Variants in LUZP2 observed in about 807,000 individuals in gnomAD.
LUZP2 encodes leucine zipper protein 2.
A neutral mutation model predicts 51.6 loss-of-function variants in LUZP2; 52 were observed. The ratio of observed to expected loss-of-function variants is 1.01; its 90% CI spans 0.81 to 1.27. The LOEUF is 1.27. LUZP2 is among the 50% of genes most tolerant of loss of function. LUZP2 has a pLI of 0.00. For synonymous variants in LUZP2, 154 were observed against 137.3 expected (o/e 1.12, Z -0.85); for missense variants, 436 against 395.4 (o/e 1.10, Z -0.87).
chr11:24,809,890 A>C lies in LUZP2; in HGVS notation c.396+46582A>C, dbSNP rs193240209. On this transcript the variant is annotated intron_variant, in intron 5 of 11. Transcript: ENST00000336930. ...TACTCACTACTGAAAAATACTTGGC[A>C]CATTACCTAGAATTTTCTTTATATA... 1.9e-3 allele frequency among the ~76,000 whole-genome samples: 292 copies of C among 152,250 alleles called. 1 individual carries two copies. The highest frequency in any genetic ancestry group is 6.7e-3 in the African/African-American group (278 of 41,566).
intron 5 of LUZP2, among the ~76,000 whole-genome samples, chr11:24,866,138 A>G (rs970590018): frequency 1.8e-5 from 2 of 108,434 alleles, no homozygotes; most frequent in Admixed American, 2.2e-4. Context: ...ACACACACAC[A>G]CACACACACA....
At position 24,870,315 on chromosome 11, in the gene LUZP2, A is replaced by T. The variant is rs189651333; in HGVS notation, c.397-35676A>T. On this transcript the variant is annotated intron_variant, in intron 5 of 11. Coordinates refer to ENST00000336930, the MANE Select transcript of LUZP2 (RefSeq NM_001009909.4). ...TTTGCCAGAATTCTGAATGCTTATG[A>T]AATGTTTTGGAGAACCCATTAATAG... is the stretch of plus-strand genomic sequence containing the variant. Among the ~76,000 whole-genome samples, 8 of 152,252 alleles carry T rather than the reference A, an allele frequency of 5.3e-5. No individual in the cohort carries two copies. The East Asian group carries it at 1.2e-3, about 22-fold the overall frequency.
In LUZP2 at chr11:24,903,161, A is replaced by G. The variant is rs183794758; in HGVS notation, c.397-2830A>G. On this transcript the variant is annotated intron_variant, in intron 5 of 11. Transcript: ENST00000336930. The stretch of plus-strand genomic sequence containing the variant: ...CTGAGCAACATTGCAGAGCCAGAAC[A>G]TATCAGTGTACATCCCTTTATTGGG... Among the ~76,000 whole-genome samples, 505 of 152,312 alleles carry G rather than the reference A, an allele frequency of 3.3e-3. 4 individuals are homozygous for G. Among genetic ancestry groups the G allele is most frequent in the African/African-American group, 0.011 (473 of 41,574 alleles).
intron 1 of LUZP2, among the ~76,000 whole-genome samples, chr11:24,695,545 T>C (rs2133897474): frequency 6.6e-6 from 1 of 152,188 alleles, no homozygotes; most frequent in Middle Eastern, 3.4e-3. Context: ...CTTACTACAC[T>C]GTAGTACACG....
At chr11:24,748,464 CT>C (rs34396396) in intron 4 of LUZP2, among the ~76,000 whole-genome samples, 9,013 of 142,684 alleles carry the variant, frequency 0.063, 294 homozygotes, top group African/African-American at 0.082. Flanking sequence ...TGTTAACTTC[CT>C]TTTTTTTTTT....
intron 1 of LUZP2, among the ~76,000 whole-genome samples, chr11:24,703,617 G>A (rs1857479545): frequency 6.6e-6 from 1 of 151,892 alleles, no homozygotes; most frequent in Non-Finnish European, 1.5e-5. Context: ...GAGGTCAGGA[G>A]TTCGAGACCA....
At chr11:25,006,950 G>T (rs1856848883) in intron 9 of LUZP2, among the ~76,000 whole-genome samples, 1 of 152,138 alleles carries the variant, frequency 6.6e-6, no homozygotes, top group African/African-American at 2.4e-5. Flanking sequence ...TCCCTTATTT[G>T]GCCCAGCCAC....
intron 8 of LUZP2, among the ~76,000 whole-genome samples, chr11:24,979,488 TATA>T (rs1037839542): frequency 1.3e-5 from 2 of 151,880 alleles, no homozygotes; most frequent in Admixed American, 6.6e-5. Context: ...TTCCCAAGAA[TATA>T]ATATCTGGAA....
chr11:24,823,702 T>A (rs1207613758), intron 5 of LUZP2, among the ~76,000 whole-genome samples: 1 of 152,070 alleles, frequency 6.6e-6, no homozygotes, highest in East Asian at 1.9e-4. Flanking sequence ...AATCCATAGT[T>A]ATAATGCAGA....
At chr11:24,513,780 T>C (rs543317645) in intron 1 of LUZP2, among the ~76,000 whole-genome samples, 1 of 152,336 alleles carries the variant, frequency 6.6e-6, no homozygotes, top group South Asian at 2.1e-4. Flanking sequence ...AATGAATACC[T>C]TACTCTTCTG....
intron 9 of LUZP2, among the ~76,000 whole-genome samples, chr11:25,004,695 T>C (rs1359873992): frequency 1.3e-5 from 2 of 152,204 alleles, no homozygotes; most frequent in Non-Finnish European, 2.9e-5. Flanking sequence ...CATCATTGAA[T>C]AACTCATGGG....
In LUZP2 at chr11:24,984,549, T is replaced by TATATATAAAA. The variant is rs60530495; in HGVS notation, c.765+1257_765+1258insTATATAAAAA. Among the ~76,000 whole-genome samples the TATATATAAAA allele has an allele frequency of 6.2e-3, 440 of 71,214 alleles. 7 individuals are homozygous for TATATATAAAA. Among genetic ancestry groups the TATATATAAAA allele is most frequent in the African/African-American group, 0.02 (411 of 20,882 alleles). 46.7% of individuals were successfully genotyped at this position (71,214 alleles called of 152,430 possible). ...TTATATATATATATATATATATATATAATTGTGAATTTTAAAAGCCACAAG... is the reference window on the plus strand; with the variant it reads ...TTATATATATATATATATATATATATATATATAAAAAATTGTGAATTTTAAAAGCCACAAG... On this transcript the variant is annotated intron_variant, in intron 9 of 11. Coordinates refer to ENST00000336930, the MANE Select transcript of LUZP2 (RefSeq NM_001009909.4).
At chr11:24,616,782 T>C (rs1481638234) in intron 1 of LUZP2, among the ~76,000 whole-genome samples, 4 of 152,138 alleles carry the variant, frequency 2.6e-5, no homozygotes, top group African/African-American at 9.7e-5. Context: ...TTGTTCTGGT[T>C]TACATCTCCT....
At chr11:24,615,828 A>G (rs988735067) in intron 1 of LUZP2, among the ~76,000 whole-genome samples, 1 of 150,564 alleles carries the variant, frequency 6.6e-6, no homozygotes, top group African/African-American at 2.4e-5. Flanking sequence ...TGTCTCATAT[A>G]TATATATTAT....
At chr11:24,930,219 C>T (rs1341982687) in intron 7 of LUZP2, among the ~76,000 whole-genome samples, 1 of 152,054 alleles carries the variant, frequency 6.6e-6, no homozygotes, top group Non-Finnish European at 1.5e-5. Flanking sequence ...GCATTTAGGC[C>T]ATTCACATTC....
At chr11:25,027,435 A>T (rs540256529) in intron 9 of LUZP2, among the ~76,000 whole-genome samples, 5 of 152,288 alleles carry the variant, frequency 3.3e-5, no homozygotes, top group Non-Finnish European at 7.3e-5. Context: ...AAGCACCCAT[A>T]AACTTCTTCA....
intron 1 of LUZP2, among the ~76,000 whole-genome samples, chr11:24,603,849 G>C (rs953891760): frequency 5.3e-5 from 8 of 151,626 alleles, no homozygotes; most frequent in Non-Finnish European, 1.0e-4. Context: ...CAGGAATACA[G>C]GGTTTATAAT....
intron 1 of LUZP2, among the ~76,000 whole-genome samples, chr11:24,648,115 A>G (rs932067165): frequency 3.3e-5 from 5 of 151,868 alleles, no homozygotes; most frequent in African/African-American, 1.2e-4. Flanking sequence ...CACTGATGCA[A>G]AAAAAATGCT....
At chr11:24,917,760 A>G (rs1270484729) in intron 7 of LUZP2, among the ~76,000 whole-genome samples, 4 of 152,170 alleles carry the variant, frequency 2.6e-5, no homozygotes, top group African/African-American at 9.7e-5. Flanking sequence ...ACTTTAAGTC[A>G]GGTAGCATGA....
Sources: allele counts gnomAD v4.1 joint callset (sites outside exome capture counted in the v4.1 genomes callset), GRCh38; gene constraint gnomAD v4.1.1; transcripts MANE v1.5; gene names NCBI Gene and HGNC (gene_info 2026-07-23, HGNC 2026-07-21).